Variants in TBL1X observed in about 807,000 individuals in gnomAD.
The protein encoded by TBL1X is F-box-like/WD repeat-containing protein TBL1X.
In TBL1X, 10 loss-of-function variants were observed where a neutral mutation model predicts 50.7. That is an observed-to-expected ratio of 0.20 (90% CI 0.12 to 0.33). The LOEUF is 0.33. Among genes scored for constraint, TBL1X ranks in the 10% least tolerant of loss-of-function variants. The pLI is 1.00. For synonymous variants in TBL1X, 190 were observed against 214.7 expected (o/e 0.88, Z 1.01); for missense variants, 340 against 504.4 (o/e 0.67, Z 3.12).
intron 5 of TBL1X, among the ~76,000 whole-genome samples, chrX:9,665,331 G>A (rs2082921073): frequency 9.8e-6 from 1 of 102,530 alleles, no homozygotes; most frequent in Admixed American, 1.1e-4. Context: ...CCGGAAAAGG[G>A]TGTTACTGAA....
intron 2 of TBL1X, among the ~76,000 whole-genome samples, chrX:9,628,554 C>CTT (rs3043949): frequency 0.39 from 39,646 of 102,479 alleles, 6,925 homozygotes; most frequent in Non-Finnish European, 0.52. Context: ...TTTTTCTTTT[C>CTT]TTTTTTTTTT....
At chrX:9,609,071 A>C (rs1307735560) in intron 2 of TBL1X, among the ~76,000 whole-genome samples, 1 of 112,009 alleles carries the variant, frequency 8.9e-6, no homozygotes, top group Admixed American at 9.5e-5. Flanking sequence ...TCAACACATC[A>C]CACTGCATAA....
chrX:9,666,688 C>A (rs1202932934), intron 5 of TBL1X, among the ~76,000 whole-genome samples: 1 of 111,172 alleles, frequency 9.0e-6, no homozygotes, highest in Non-Finnish European at 1.9e-5. Context: ...CCTGGGGACA[C>A]GTGGAATTAG....
intron 1 of TBL1X, among the ~76,000 whole-genome samples, chrX:9,496,299 C>T (rs780382510): frequency 2.7e-5 from 3 of 112,356 alleles, no homozygotes; most frequent in Non-Finnish European, 5.6e-5. Flanking sequence ...CCAGAGAACC[C>T]TAGAGCAAAG....
intron 1 of TBL1X, among the ~76,000 whole-genome samples, chrX:9,474,235 G>A (rs1341306866): frequency 1.8e-5 from 2 of 112,794 alleles, no homozygotes; most frequent in African/African-American, 6.4e-5. Context: ...AATTACATGA[G>A]TTAGGAGCAC....
chrX:9,513,809 G>A (rs1286794687), intron 2 of TBL1X, among the ~76,000 whole-genome samples: 1 of 109,220 alleles, frequency 9.2e-6, no homozygotes. Flanking sequence ...AGGCTGTACA[G>A]GCATGGTGCC....
chrX:9,482,096 T>C (rs113488286), intron 1 of TBL1X, among the ~76,000 whole-genome samples: 6,182 of 108,712 alleles, frequency 0.057, 439 homozygotes, highest in African/African-American at 0.19. Flanking sequence ...TTATTTTCTG[T>C]CATTTGGACT....
intron 2 of TBL1X, among the ~76,000 whole-genome samples, chrX:9,530,505 A>G (rs769774311): frequency 5.3e-5 from 6 of 112,300 alleles, no homozygotes; most frequent in Non-Finnish European, 1.1e-4. Flanking sequence ...CTTACTTTTT[A>G]ATGAACAGAC....
chrX:9,694,497 G>A (rs960350628), intron 11 of TBL1X, among the ~76,000 whole-genome samples: 14 of 111,320 alleles, frequency 1.3e-4, no homozygotes, highest in African/African-American at 4.6e-4. Flanking sequence ...TAGAGACTGA[G>A]GCGCGAGAAT....
At chrX:9,471,823 G>A (rs1276656237) in intron 1 of TBL1X, among the ~76,000 whole-genome samples, 3 of 111,446 alleles carry the variant, frequency 2.7e-5, no homozygotes, top group Non-Finnish European at 5.6e-5. Context: ...TAGCCGGAAT[G>A]CTTTAAAGAA....
At chrX:9,519,375 C>T (rs2082096371) in intron 2 of TBL1X, among the ~76,000 whole-genome samples, 1 of 111,248 alleles carries the variant, frequency 9.0e-6, no homozygotes, top group Non-Finnish European at 1.9e-5. Context: ...TGTCCCAAAG[C>T]GCTTGGATTA....
chrX:9,586,808 G>C (rs749567849), intron 2 of TBL1X, among the ~76,000 whole-genome samples: 1 of 111,762 alleles, frequency 8.9e-6, no homozygotes, highest in African/African-American at 3.3e-5. Flanking sequence ...GCTAAGGCAG[G>C]AGGATCGTTT....
chrX:9,585,754 A>G (rs5934652), intron 2 of TBL1X, among the ~76,000 whole-genome samples: 47,493 of 110,335 alleles, frequency 0.43, 7,971 homozygotes, highest in East Asian at 0.68. Context: ...GCAGTTCTGT[A>G]TCCAAATTCC....
At chrX:9,655,856 GTGAGGCCTGTTCATT>G (rs370418270) in intron 5 of TBL1X, among the ~76,000 whole-genome samples, 123 of 112,304 alleles carry the variant, frequency 1.1e-3, no homozygotes, top group African/African-American at 3.7e-3. Context: ...ACAAGTCTGA[GTGAGGCCTGTTCATT>G]TGAGCCTGGG....
At chrX:9,696,014 A>C (rs917042454) in intron 11 of TBL1X, among the ~76,000 whole-genome samples, 1 of 112,436 alleles carries the variant, frequency 8.9e-6, no homozygotes, top group African/African-American at 3.2e-5. Flanking sequence ...CATAACACTC[A>C]GGGAGAAAAT....
intron 1 of TBL1X, among the ~76,000 whole-genome samples, chrX:9,475,446 A>G (rs2081843802): frequency 9.2e-6 from 1 of 109,224 alleles, no homozygotes; most frequent in Non-Finnish European, 1.9e-5. Flanking sequence ...TGGTTTCACC[A>G]TGTTGGCCAG....
intron 2 of TBL1X, chrX:9,636,672 T>C (rs1379501050): frequency 8.9e-6 from 1 of 112,095 alleles, no homozygotes; most frequent in Non-Finnish European, 1.9e-5. Flanking sequence ...ATATAATTTC[T>C]CAAAATGACT....
At position 9,688,284 on chromosome X, in the gene TBL1X, A is replaced by AGGGGCTCTGGGAGTTCGGT. The variant is rs1292522241; in HGVS notation, c.616+13_616+31dup. 1.1e-5 allele frequency: 13 copies of AGGGGCTCTGGGAGTTCGGT among 1,155,661 alleles called. No individual in the cohort carries two copies. Among genetic ancestry groups the AGGGGCTCTGGGAGTTCGGT allele is most frequent in the Non-Finnish European group, 8.1e-6 (7 of 863,795 alleles). ...CAGAGCACATTCAGTCAGTGAGTGC[A>AGGGGCTCTGGGAGTTCGGT]GGGGCTCTGGGAGTTCGGTGGGCCT... On this transcript the variant is annotated intron_variant, in intron 7 of 17. Coordinates refer to ENST00000645353, the MANE Select transcript of TBL1X (RefSeq NM_005647.4).
intron 2 of TBL1X, among the ~76,000 whole-genome samples, chrX:9,521,462 G>A (rs977677357): frequency 2.7e-5 from 3 of 111,623 alleles, no homozygotes; most frequent in African/African-American, 9.8e-5. Context: ...TGACCCCTGC[G>A]TAGAATCAGA....
Sources: gnomAD v4.1 joint callset for allele counts (sites outside exome capture counted in the v4.1 genomes callset) on GRCh38, gnomAD v4.1.1 for gene constraint, MANE v1.5 for transcripts, NCBI Gene and HGNC (gene_info 2026-07-23, HGNC 2026-07-21) for gene names.